Variants in CADM2 observed in about 807,000 individuals in gnomAD.
CADM2 encodes cell adhesion molecule 2, also known as immunoglobulin superfamily member 4D.
A neutral mutation model predicts 49.8 loss-of-function variants in CADM2; 12 were observed. That is an observed-to-expected ratio of 0.24 (90% CI 0.15 to 0.39). CADM2 has a LOEUF of 0.39. Among genes scored for constraint, CADM2 ranks in the 10% least tolerant of loss-of-function variants. CADM2 has a pLI of 1.00. For synonymous variants in CADM2, 214 were observed against 175.4 expected, an observed-to-expected ratio of 1.22 and a Z score of -1.74; for missense variants, 378 against 492.3, an observed-to-expected ratio of 0.77 and a Z score of 2.20.
intron 2 of CADM2, among the ~76,000 whole-genome samples, chr3:85,740,814 AGTTCTG>A (rs2068348840): frequency 6.6e-6 from 1 of 152,182 alleles, no homozygotes; most frequent in African/African-American, 2.4e-5. Context: ...TCACTGTAGC[AGTTCTG>A]TAGCTTTCCG....
intron 1 of CADM2, among the ~76,000 whole-genome samples, chr3:85,587,691 C>T (rs760900855): frequency 4.6e-5 from 7 of 151,884 alleles, no homozygotes; most frequent in Non-Finnish European, 1.0e-4. Context: ...GTGCCTCTTC[C>T]ATAATGGCAA....
chr3:85,850,606 G>A (rs1001315987), intron 3 of CADM2, among the ~76,000 whole-genome samples: 8 of 152,168 alleles, frequency 5.3e-5, no homozygotes, highest in African/African-American at 1.9e-4. Flanking sequence ...GGGATTACAG[G>A]CGTGAGCCAC....
chr3:84,983,588 C>G (rs538209683), intron 1 of CADM2, among the ~76,000 whole-genome samples: 2 of 152,214 alleles, frequency 1.3e-5, no homozygotes, highest in East Asian at 3.9e-4. Context: ...GTCTACCTCC[C>G]TTTATTTCTG....
intron 3 of CADM2, among the ~76,000 whole-genome samples, chr3:85,843,909 G>T (rs73845695): frequency 6.6e-6 from 1 of 151,410 alleles, no homozygotes; most frequent in Non-Finnish European, 1.5e-5. Context: ...GGGGGGGAGC[G>T]GTTACTAAAA....
intron 1 of CADM2, among the ~76,000 whole-genome samples, chr3:85,509,683 G>A (rs1458403318): frequency 1.3e-5 from 2 of 152,030 alleles, no homozygotes; most frequent in Non-Finnish European, 2.9e-5. Flanking sequence ...AAAGCATTGT[G>A]AGATGTGTGA....
chr3:85,563,991 A>G (rs958238150), intron 1 of CADM2, among the ~76,000 whole-genome samples: 1 of 152,102 alleles, frequency 6.6e-6, no homozygotes, highest in Non-Finnish European at 1.5e-5. Context: ...TTTCCTGAAT[A>G]CCTTTAGCAA....
At chr3:85,896,255 T>C (rs1463965479) in intron 5 of CADM2, among the ~76,000 whole-genome samples, 1 of 152,186 alleles carries the variant, frequency 6.6e-6, no homozygotes, top group East Asian at 1.9e-4. Context: ...CACTGCATTC[T>C]AACCTGGGTG....
chr3:85,488,962 GCAT>G (rs1448695638), intron 1 of CADM2, among the ~76,000 whole-genome samples: 1 of 152,002 alleles, frequency 6.6e-6, no homozygotes, highest in Non-Finnish European at 1.5e-5. Flanking sequence ...GTTTTCCTAT[GCAT>G]CACTACTAAA....
chr3:85,003,443 T>C (rs1362032210), intron 1 of CADM2, among the ~76,000 whole-genome samples: 1 of 152,178 alleles, frequency 6.6e-6, no homozygotes, highest in Admixed American at 6.6e-5. Flanking sequence ...GAAAGCATTA[T>C]ATTAAATGGC....
chr3:85,380,018 AT>A (rs1226315351), intron 1 of CADM2, among the ~76,000 whole-genome samples: 1 of 152,058 alleles, frequency 6.6e-6, no homozygotes, highest in African/African-American at 2.4e-5. Context: ...TCTGAAAAAC[AT>A]GTCCAATGAC....
intron 1 of CADM2, among the ~76,000 whole-genome samples, chr3:85,070,063 A>G (rs998742002): frequency 2.0e-5 from 3 of 152,108 alleles, no homozygotes; most frequent in African/African-American, 7.2e-5. Flanking sequence ...TTTATTTTCA[A>G]TAAGCAAAAT....
chr3:84,998,623 T>G (rs2033297140), intron 1 of CADM2, among the ~76,000 whole-genome samples: 1 of 152,100 alleles, frequency 6.6e-6, no homozygotes, highest in Admixed American at 6.6e-5. Flanking sequence ...TTTGGTAAAT[T>G]TTGAGACTTG....
rs1271662267 is a variant in CADM2, at chr3:85,834,525, A to G, written c.238+32329A>G. ...ATGTATGGACTTGTGTTGTTACAATATATCAAAATATTCTGATCTGCTTTA... is the reference window on the plus strand; with the variant it reads ...ATGTATGGACTTGTGTTGTTACAATGTATCAAAATATTCTGATCTGCTTTA... On this transcript the variant is annotated intron_variant, in intron 3 of 9. Coordinates refer to ENST00000383699, the MANE Select transcript of CADM2 (RefSeq NM_001167675.2). 2.0e-5 allele frequency among the ~76,000 whole-genome samples: 3 copies of G among 151,664 alleles called. No individual in the cohort carries two copies. The Admixed American group carries it at 2.0e-4, about 10-fold the overall frequency.
rs1734096219 is a variant in CADM2, at chr3:86,027,990, T to C, written c.971-37615T>C. On this transcript the variant is annotated intron_variant, in intron 8 of 9. Coordinates refer to ENST00000383699, the MANE Select transcript of CADM2 (RefSeq NM_001167675.2). Reference sequence around the variant, plus strand: ...GATACAGGTACTCTCTTCTAACTTATTTAAGAACAATGAGAACACATGGAC... The same window carrying C: ...GATACAGGTACTCTCTTCTAACTTACTTAAGAACAATGAGAACACATGGAC... The C allele has an allele frequency of 4.2e-5, 6 of 141,786 alleles. No individual in the cohort carries two copies. In the South Asian group the frequency reaches 1.3e-3, roughly 32 times the overall value. The allele number at this position is 141,786 out of a possible 1,614,324, so 8.8% of individuals were successfully genotyped here.
At chr3:85,390,073 GA>G (rs2034445562) in intron 1 of CADM2, among the ~76,000 whole-genome samples, 1 of 151,870 alleles carries the variant, frequency 6.6e-6, no homozygotes, top group African/African-American at 2.4e-5. Context: ...ATATAAATAT[GA>G]AAAACACAAT....
intron 1 of CADM2, among the ~76,000 whole-genome samples, chr3:85,533,003 GGGTGGGA>G (rs1316819543): frequency 6.6e-6 from 1 of 152,208 alleles, no homozygotes; most frequent in Admixed American, 6.5e-5. Flanking sequence ...GCCTCTTGGA[GGGTGGGA>G]GGTGGGAGGA....
chr3:85,909,851 G>A (rs6807918), intron 5 of CADM2, among the ~76,000 whole-genome samples: 41,039 of 151,972 alleles, frequency 0.27, 7,167 homozygotes, highest in African/African-American at 0.5. Flanking sequence ...GAAAGGGAAA[G>A]CAGAGATACA....
At chr3:85,480,909 C>A (rs1004725369) in intron 1 of CADM2, among the ~76,000 whole-genome samples, 6 of 151,162 alleles carry the variant, frequency 4.0e-5, no homozygotes, top group African/African-American at 2.4e-5. Flanking sequence ...CCTTAAAATT[C>A]TTTCTTAAGA....
At chr3:84,984,876 T>A (rs765100615) in intron 1 of CADM2, among the ~76,000 whole-genome samples, 11 of 152,174 alleles carry the variant, frequency 7.2e-5, no homozygotes, top group Non-Finnish European at 1.5e-4. Context: ...ATGAGTGTAC[T>A]AATGATTTCA....
Sources: gnomAD v4.1 joint callset for allele counts (sites outside exome capture counted in the v4.1 genomes callset) on GRCh38, gnomAD v4.1.1 for gene constraint, MANE v1.5 for transcripts, NCBI Gene and HGNC (gene_info 2026-07-23, HGNC 2026-07-21) for gene names.